Variants in TMPRSS2 observed in about 807,000 individuals in gnomAD.
TMPRSS2 encodes transmembrane protease serine 2.
A neutral mutation model predicts 67.4 loss-of-function variants in TMPRSS2; 59 were observed. That is an observed-to-expected ratio of 0.88 (90% CI 0.71 to 1.09). The LOEUF (loss-of-function observed/expected upper bound fraction) is 1.09. TMPRSS2 is among the 50% of genes least tolerant of loss of function. The probability of loss-of-function intolerance (pLI) is 0.00; values close to 1 mark genes in which losing one functional copy is unlikely to be tolerated. For missense variants in TMPRSS2, 668 were observed against 642.7 expected (o/e 1.04, Z -0.43); for synonymous variants, 257 against 257.0 (o/e 1.00, Z 0.00).
At chr21:41,473,645 C>A (rs544221548) in intron 8 of TMPRSS2, 149 bp from the exon 9 acceptor site, 2 of 900,106 alleles carry the variant, frequency 2.2e-6, no homozygotes, top group South Asian at 1.8e-5. Flanking sequence ...TCCTGGGGGT[C>A]TCCTCTTGGG....
intron 2 of TMPRSS2, among the ~76,000 whole-genome samples, chr21:41,497,210 G>C (rs1224746988): frequency 2.0e-5 from 3 of 152,146 alleles, no homozygotes; most frequent in African/African-American, 7.2e-5. Flanking sequence ...GTTCTGAGCA[G>C]AGGCAGCATA....
Position 41,476,264 on chromosome 21 carries a change from C to G in TMPRSS2, c.727+313G>C, listed in dbSNP as rs567520083. 2.0e-5 allele frequency among the ~76,000 whole-genome samples: 3 copies of G among 152,298 alleles called. No homozygotes were observed. The East Asian group carries it at 5.8e-4, about 29-fold the overall frequency. On this transcript the variant is annotated intron_variant, in intron 8 of 13. Transcript: ENST00000332149. The stretch of plus-strand genomic sequence containing the variant: ...TGCCAGGGCTCACTAACGCCACCCC[C>G]CTTTGCTTTCTGGAGAAAGAGACCT...
At chr21:41,467,950 C>T in intron 12 of TMPRSS2, 64 bp from the exon 13 acceptor site, 4 of 1,599,076 alleles carry the variant, frequency 2.5e-6, no homozygotes, top group Non-Finnish European at 2.6e-6. Context: ...ACACCACTGA[C>T]CAGGCCTAGA....
intron 3 of TMPRSS2, among the ~76,000 whole-genome samples, chr21:41,490,153 A>G (rs2091325422): frequency 6.6e-6 from 1 of 151,852 alleles, no homozygotes; most frequent in African/African-American, 2.4e-5. Flanking sequence ...TGTCAAAAAA[A>G]AAAAAAAAGA....
At chr21:41,481,467 G>C (rs1164535989) in intron 5 of TMPRSS2, among the ~76,000 whole-genome samples, 2 of 152,204 alleles carry the variant, frequency 1.3e-5, no homozygotes, top group African/African-American at 2.4e-5. Context: ...ATGAGTAGGA[G>C]GGACGGGCTG....
intron 6 of TMPRSS2, 67 bp downstream of exon 6, chr21:41,480,409 G>A (rs1344602346): frequency 2.5e-6 from 4 of 1,589,360 alleles, no homozygotes; most frequent in Middle Eastern, 1.7e-4. Context: ...CAGGGAGGCA[G>A]AGAGAGGGTC....
intron 5 of TMPRSS2, chr21:41,487,026 C>G (rs2091303575): frequency 6.6e-6 from 1 of 152,214 alleles, no homozygotes; most frequent in African/African-American, 2.4e-5. Flanking sequence ...ATCCAGCAAT[C>G]TCACTGCTGG....
rs2091071314 is a variant in TMPRSS2 at position 41,464,776 on chromosome 21, C to T, written c.*1366G>A. The T allele has an allele frequency of 4.3e-6, 1 of 233,202 alleles. No individual in the cohort carries two copies. Among genetic ancestry groups the T allele is most frequent in the Non-Finnish European group, 8.5e-6 (1 of 118,064 alleles). 14.4% of individuals were successfully genotyped at this position (233,202 alleles called of 1,614,324 possible). On this transcript the variant is annotated 3_prime_UTR_variant, in exon 14 of 14. Transcript: ENST00000332149. ...GTTTCCAAGGTCCCTGGGAATGCTG[C>T]TCTCTACAGAGGCATGTGCACAGAC...
intron 5 of TMPRSS2, 67 bp downstream of exon 5, chr21:41,488,327 C>T: frequency 1.3e-6 from 2 of 1,575,098 alleles, no homozygotes; most frequent in Non-Finnish European, 1.7e-6. Context: ...ACCCAAAGGC[C>T]CCTGGACCCG....
intron 1 of TMPRSS2, among the ~76,000 whole-genome samples, chr21:41,503,874 A>G (rs936110995): frequency 6.6e-6 from 1 of 152,206 alleles, no homozygotes; most frequent in Non-Finnish European, 1.5e-5. Context: ...CTCTGTTATC[A>G]GTATCTTGCA....
chr21:41,507,900 G>C (rs918221330), intron 1 of TMPRSS2, 181 bp downstream of exon 1: 1 of 1,492,004 alleles, frequency 6.7e-7, no homozygotes, highest in African/African-American at 1.5e-5. Flanking sequence ...AGCACCCCGG[G>C]AGGCGCCCTG....
rs2146414893 is a variant in TMPRSS2, at chr21:41,465,120, A to G, written c.*1022T>C. ...CCAGTCATTTTGTCAAAGCAGCTGA[A>G]ATAGGCCACCACTCTTACTTGGCAA... On this transcript the variant is annotated 3_prime_UTR_variant, in exon 14 of 14. Transcript: ENST00000332149. 2 of 233,778 alleles carry G rather than the reference A, an allele frequency of 8.6e-6. No homozygotes were observed. Among genetic ancestry groups the G allele is most frequent in the East Asian group, 1.2e-4 (2 of 16,588 alleles). The allele number at this position is 233,778 out of a possible 1,614,324, so 14.5% of individuals were successfully genotyped here.
At chr21:41,467,925 G>C (rs2146419956) in intron 12 of TMPRSS2, 39 bp from the exon 13 acceptor site, 4 of 1,612,862 alleles carry the variant, frequency 2.5e-6, no homozygotes, top group Middle Eastern at 1.7e-4. Flanking sequence ...AGAAAATCAA[G>C]TCACAATCTG....
intron 5 of TMPRSS2, among the ~76,000 whole-genome samples, chr21:41,481,821 G>T (rs2091259309): frequency 6.6e-6 from 1 of 152,136 alleles, no homozygotes; most frequent in South Asian, 2.1e-4. Context: ...CCAGCACTTT[G>T]GGAGGCCAAG....
chr21:41,493,809 C>A (rs781733376), intron 3 of TMPRSS2, among the ~76,000 whole-genome samples: 1 of 152,206 alleles, frequency 6.6e-6, no homozygotes, highest in Non-Finnish European at 1.5e-5. Flanking sequence ...ACCTCCAGTC[C>A]TCCCACGCTC....
At chr21:41,484,928 C>T (rs1291675166) in intron 5 of TMPRSS2, among the ~76,000 whole-genome samples, 5 of 152,148 alleles carry the variant, frequency 3.3e-5, no homozygotes, top group African/African-American at 1.2e-4. Flanking sequence ...GGAGAGTCAA[C>T]TGGCTAGGAA....
intron 2 of TMPRSS2, among the ~76,000 whole-genome samples, chr21:41,495,198 T>C (rs543339705): frequency 1.3e-5 from 2 of 152,336 alleles, no homozygotes; most frequent in African/African-American, 4.8e-5. Flanking sequence ...AAGTTTTTTG[T>C]TTTGGTTTGG....
chr21:41,488,527 C>T lies in TMPRSS2; in HGVS notation c.326-14G>A. 1 of 1,608,076 alleles carries T rather than the reference C, an allele frequency of 6.2e-7. No homozygotes were observed. The highest frequency in any genetic ancestry group is 8.5e-7 in the Non-Finnish European group (1 of 1,176,250). On this transcript the variant is annotated splice_polypyrimidine_tract_variant and intron_variant, in intron 4 of 13. Coordinates refer to ENST00000332149, the MANE Select transcript of TMPRSS2 (RefSeq NM_005656.4). Reference sequence around the variant, plus strand: ...ACTTGCTGCCCACTTGCAGAGAAAACAGAAGAGAGGTGCCCTTCAGGCTGA... The same window carrying T: ...ACTTGCTGCCCACTTGCAGAGAAAATAGAAGAGAGGTGCCCTTCAGGCTGA...
At position 41,464,994 on chromosome 21, in the gene TMPRSS2, G is replaced by T. The variant is rs1258202459; in HGVS notation, c.*1148C>A. 1 of 233,080 alleles carries T rather than the reference G, an allele frequency of 4.3e-6. No homozygotes were observed. Among genetic ancestry groups the T allele is most frequent in the East Asian group, 6.0e-5 (1 of 16,606 alleles). The allele number at this position is 233,080 out of a possible 1,614,324, so 14.4% of individuals were successfully genotyped here. On this transcript the variant is annotated 3_prime_UTR_variant, in exon 14 of 14. Transcript: ENST00000332149. ...GGTTGGAAACCCACAGCATTGGAAG[G>T]GACCACAGAGAGTCCAAAACAAAAC...
Sources: allele counts gnomAD v4.1 joint callset (sites outside exome capture counted in the v4.1 genomes callset), GRCh38; gene constraint gnomAD v4.1.1; transcripts MANE v1.5; gene names NCBI Gene and HGNC (gene_info 2026-07-23, HGNC 2026-07-21).